The following ABCA13 variants were observed in gnomAD, a reference collection of about 807,000 sequenced individuals.
ABCA13 encodes ATP-binding cassette sub-family A member 13.
ABCA13 carries 476 observed loss-of-function variants against 478.7 expected under a neutral mutation model. That is an observed-to-expected ratio of 0.99 (90% CI 0.92 to 1.07). ABCA13 has a LOEUF of 1.07. ABCA13 is among the 50% of genes least tolerant of loss of function. The pLI is 0.00. For missense variants in ABCA13, 6,060 were observed against 5,910.6 expected (o/e 1.03, Z -0.83); for synonymous variants, 2,252 against 2,158.9 (o/e 1.04, Z -1.20).
At chr7:48,330,248 T>C in intron 27 of ABCA13, among the ~76,000 whole-genome samples, 1 of 151,918 alleles carries the variant, frequency 6.6e-6, no homozygotes, top group Non-Finnish European at 1.5e-5. Flanking sequence ...CATCCATTCA[T>C]CCATGTATTC....
chr7:48,439,234 G>C (rs1391907274), intron 42 of ABCA13, among the ~76,000 whole-genome samples: 1 of 152,104 alleles, frequency 6.6e-6, no homozygotes, highest in Non-Finnish European at 1.5e-5. Flanking sequence ...GAGCTCAGGG[G>C]TCTCTTCCAA....
At chr7:48,490,252 T>G (rs1413314368) in intron 48 of ABCA13, among the ~76,000 whole-genome samples, 1 of 152,028 alleles carries the variant, frequency 6.6e-6, no homozygotes, top group East Asian at 1.9e-4. Flanking sequence ...TCATACAGAG[T>G]AGGGACAGCA....
intron 37 of ABCA13, among the ~76,000 whole-genome samples, chr7:48,391,527 T>C (rs1431754393): frequency 6.6e-6 from 1 of 152,208 alleles, no homozygotes; most frequent in Non-Finnish European, 1.5e-5. Flanking sequence ...TTGTGATAGA[T>C]GATTTTGCCC....
chr7:48,272,065 T>A lies in ABCA13; in HGVS notation c.2399T>A (p.Val800Glu). The A allele has an allele frequency of 6.2e-7, 1 of 1,613,766 alleles. No individual in the cohort carries two copies. Among genetic ancestry groups the A allele is most frequent in the Non-Finnish European group, 8.5e-7 (1 of 1,179,772 alleles). The change falls in exon 17 of 62, where the codon GTG becomes GAG. Residue 800 changes from valine to glutamate, a missense_variant. Val to Glu is a moderately radical substitution (Grantham distance 121). This residue lies in a region of ABCA13 where 4,423 missense variants were observed against 4,309.1 expected (regional missense o/e 1.03). Transcript: ENST00000435803. ...AQKLLEFGNE[V>E]IWKMQTLGSH... is the part of the protein sequence containing the mutation. ...AAACTCTTGGAATTTGGCAACGAAGTGATTTGGAAAATGCAGACTCTCGGA... is the reference window on the plus strand; with the variant it reads ...AAACTCTTGGAATTTGGCAACGAAGAGATTTGGAAAATGCAGACTCTCGGA...
rs368087145 is a variant in ABCA13, at chr7:48,310,828, G to A, written c.9516+687G>A. Among the ~76,000 whole-genome samples, 9 of 152,306 alleles carry A rather than the reference G, an allele frequency of 5.9e-5. No homozygotes were observed. In the South Asian group the frequency reaches 1.0e-3, roughly 18 times the overall value. ...AGCCCAGGCCCAGCACTTTCCGGAC[G>A]GGCCCAGAACCCATGTAGGGGCAAC... On this transcript the variant is annotated intron_variant, in intron 24 of 61. Transcript: ENST00000435803.
chr7:48,588,507 C>T (rs1313433057), intron 57 of ABCA13, among the ~76,000 whole-genome samples: 1 of 152,148 alleles, frequency 6.6e-6, no homozygotes, highest in Non-Finnish European at 1.5e-5. Flanking sequence ...CTCAGCTTTC[C>T]TTGGATGCCC....
intron 39 of ABCA13, among the ~76,000 whole-genome samples, chr7:48,409,445 C>A (rs1818696900): frequency 6.6e-6 from 1 of 152,206 alleles, no homozygotes; most frequent in South Asian, 2.1e-4. Context: ...GCCATGCCCA[C>A]TGGGCTCACT....
chr7:48,400,254 A>G (rs1315756703), intron 38 of ABCA13, among the ~76,000 whole-genome samples: 2 of 152,186 alleles, frequency 1.3e-5, no homozygotes, highest in Non-Finnish European at 2.9e-5. Flanking sequence ...TGAATCAAGG[A>G]TAAGATTTGA....
intron 46 of ABCA13, among the ~76,000 whole-genome samples, chr7:48,481,427 G>T (rs1828746138): frequency 6.6e-6 from 1 of 152,130 alleles, no homozygotes; most frequent in Non-Finnish European, 1.5e-5. Context: ...ATTCCACATA[G>T]ATGCCATGGA....
At chr7:48,332,275 T>C (rs1426197766) in intron 27 of ABCA13, among the ~76,000 whole-genome samples, 1 of 152,198 alleles carries the variant, frequency 6.6e-6, no homozygotes, top group Non-Finnish European at 1.5e-5. Flanking sequence ...GGATACCCAT[T>C]CTAAAAAATA....
At position 48,272,143 on chromosome 7, in the gene ABCA13, T is replaced by A. The variant is rs924916077; in HGVS notation, c.2477T>A (p.Ile826Lys). ...PKNLLRFIEL[I>K]LFEINPKLLE... Reference sequence around the variant, plus strand: ...AATCTTTTGAGATTCATAGAATTAATACTTTTTGAAATTAATCCCAAATTA... The same window carrying A: ...AATCTTTTGAGATTCATAGAATTAAAACTTTTTGAAATTAATCCCAAATTA... Residue 826 changes from isoleucine to lysine, a missense_variant, in exon 17 of 62, where the codon ATA becomes AAA. Ile to Lys is a moderately radical substitution (Grantham distance 102). This residue lies in a region of ABCA13 where 4,423 missense variants were observed against 4,309.1 expected (regional missense o/e 1.03). Coordinates refer to ENST00000435803, the MANE Select transcript of ABCA13 (RefSeq NM_152701.5). The A allele has an allele frequency of 1.2e-6, 2 of 1,613,190 alleles. No homozygotes were observed. The highest frequency in any genetic ancestry group is 2.7e-5 in the African/African-American group (2 of 74,908).
At chr7:48,176,611 A>G (rs2128857429) in intron 1 of ABCA13, among the ~76,000 whole-genome samples, 1 of 152,234 alleles carries the variant, frequency 6.6e-6, no homozygotes, top group African/African-American at 2.4e-5. Flanking sequence ...CTTGTTGGGG[A>G]ATAGGGAGAA....
chr7:48,482,757 G>A (rs1828904215), intron 46 of ABCA13, among the ~76,000 whole-genome samples: 1 of 152,242 alleles, frequency 6.6e-6, no homozygotes, highest in East Asian at 1.9e-4. Context: ...TAACAGTGCT[G>A]ATGATCAAGC....
intron 18 of ABCA13, 32 bp from the exon 19 acceptor site, chr7:48,281,310 CT>C: frequency 1.9e-6 from 3 of 1,549,594 alleles, no homozygotes; most frequent in Admixed American, 1.9e-5. Context: ...CATTTTTACC[CT>C]TTTATGTCAT....
chr7:48,594,655 A>G, intron 57 of ABCA13, 55 bp from the exon 58 acceptor site: 5 of 1,509,966 alleles, frequency 3.3e-6, no homozygotes, highest in Non-Finnish European at 4.6e-6. Context: ...GTCATTGTGT[A>G]TATTTCTATT....
chr7:48,268,393 A>G (rs1295947689), intron 15 of ABCA13, among the ~76,000 whole-genome samples: 1 of 152,108 alleles, frequency 6.6e-6, no homozygotes, highest in Non-Finnish European at 1.5e-5. Flanking sequence ...TCCTGACCTC[A>G]GGTGATCCAT....
chr7:48,432,932 A>G lies in ABCA13; in HGVS notation c.12565+5061A>G, dbSNP rs914802995. Among the ~76,000 whole-genome samples, 6 of 152,188 alleles carry G rather than the reference A, an allele frequency of 3.9e-5. No individual in the cohort carries two copies. In the East Asian group the frequency reaches 5.8e-4, roughly 15 times the overall value. ...GTGACTGTAGTTAATAACGTTTTGT[A>G]TTGTTGAAAATCTCTAAAAGAATAG... On this transcript the variant is annotated intron_variant, in intron 42 of 61. Coordinates refer to ENST00000435803, the MANE Select transcript of ABCA13 (RefSeq NM_152701.5).
At chr7:48,324,904 T>C (rs893902637) in intron 27 of ABCA13, among the ~76,000 whole-genome samples, 3 of 152,238 alleles carry the variant, frequency 2.0e-5, no homozygotes, top group African/African-American at 7.2e-5. Context: ...CATTTATGTA[T>C]GAAGATTTTT....
chr7:48,323,691 G>A (rs1007237798), intron 27 of ABCA13, among the ~76,000 whole-genome samples: 1 of 152,226 alleles, frequency 6.6e-6, no homozygotes, highest in African/African-American at 2.4e-5. Flanking sequence ...CACCTATCAA[G>A]TGGTGGAGCT....
Sources: gnomAD v4.1 joint callset for allele counts (sites outside exome capture counted in the v4.1 genomes callset) on GRCh38, gnomAD v4.1.1 for gene constraint, gnomAD v4.1.1 regional missense constraint, MANE v1.5 for transcripts, NCBI Gene and HGNC (gene_info 2026-07-23, HGNC 2026-07-21) for gene names.